Variants in CHRM3 observed in about 807,000 individuals in gnomAD.
The protein encoded by CHRM3 is cholinergic receptor muscarinic 3.
Under a neutral mutation model 41.8 loss-of-function variants are expected in CHRM3, and 11 were observed. The observed-to-expected ratio is 0.26, with a 90% CI of 0.17 to 0.44. CHRM3 has a LOEUF of 0.44. Among genes scored for constraint, CHRM3 ranks in the 20% least tolerant of loss-of-function variants. The pLI, the probability that CHRM3 is intolerant of heterozygous loss-of-function variation, is 1.00. For synonymous variants in CHRM3, 297 were observed against 301.4 expected, an observed-to-expected ratio of 0.99 and a Z score of 0.15; for missense variants, 571 against 745.4, an observed-to-expected ratio of 0.77 and a Z score of 2.72.
chr1:239,909,241 T>C lies in CHRM3; in HGVS notation c.*17T>C, dbSNP rs758497206. The stretch of plus-strand genomic sequence containing the variant: ...GCCTTGTAGAATGAGGTTGTATCAA[T>C]AGCAGTGACAAAACGCACACATCAA... On this transcript the variant is annotated 3_prime_UTR_variant, in exon 7 of 7. Coordinates refer to ENST00000676153, the MANE Select transcript of CHRM3 (RefSeq NM_001375978.1). The C allele has an allele frequency of 3.8e-6, 6 of 1,579,748 alleles. No individual in the cohort carries two copies. The highest frequency in any genetic ancestry group is 5.2e-6 in the Non-Finnish European group (6 of 1,164,206).
chr1:239,571,696 A>C (rs1295707456), intron 3 of CHRM3, among the ~76,000 whole-genome samples: 1 of 152,082 alleles, frequency 6.6e-6, no homozygotes, highest in Non-Finnish European at 1.5e-5. Context: ...CCTGCACGTC[A>C]TTACACTCTC....
intron 6 of CHRM3, among the ~76,000 whole-genome samples, chr1:239,871,046 T>C (rs1365525007): frequency 6.6e-6 from 1 of 152,092 alleles, no homozygotes; most frequent in East Asian, 1.9e-4. Flanking sequence ...ACGTGTTCCC[T>C]GCGGGCTCTG....
intron 5 of CHRM3, among the ~76,000 whole-genome samples, chr1:239,813,862 A>G (rs1479067749): frequency 2.9e-5 from 4 of 137,156 alleles, no homozygotes; most frequent in Admixed American, 1.5e-4. Context: ...GCTTGCAGTG[A>G]GCCGAGATCC....
intron 2 of CHRM3, among the ~76,000 whole-genome samples, chr1:239,543,181 C>T (rs1052614700): frequency 4.6e-5 from 7 of 152,196 alleles, no homozygotes; most frequent in African/African-American, 1.7e-4. Flanking sequence ...GAATGCCATC[C>T]TGGCACATTG....
intron 4 of CHRM3, among the ~76,000 whole-genome samples, chr1:239,649,116 G>A (rs1017121601): frequency 6.6e-6 from 1 of 152,116 alleles, no homozygotes; most frequent in Non-Finnish European, 1.5e-5. Context: ...TTGTCTGAAT[G>A]TTTCTGTTCC....
chr1:239,659,259 T>A (rs571942904), intron 4 of CHRM3, among the ~76,000 whole-genome samples: 1 of 152,320 alleles, frequency 6.6e-6, no homozygotes, highest in Non-Finnish European at 1.5e-5. Flanking sequence ...TCTGCTGTTA[T>A]CTTCTTTTGG....
chr1:239,874,297 A>ATCTATATATCTATATACACAG lies in CHRM3; in HGVS notation c.-19-33135_-19-33134insCTATATATCTATATACACAGT, dbSNP rs1553291903. Among the ~76,000 whole-genome samples the ATCTATATATCTATATACACAG allele has an allele frequency of 3.9e-4, 36 of 92,200 alleles. No individual in the cohort carries two copies. The Admixed American group carries it at 4.5e-3, about 11-fold the overall frequency. 60.5% of individuals were successfully genotyped at this position (92,200 alleles called of 152,430 possible). On this transcript the variant is annotated intron_variant, in intron 6 of 6. Coordinates refer to ENST00000676153, the MANE Select transcript of CHRM3 (RefSeq NM_001375978.1). ...ATCTATATACACAGTATATATATAT[A>ATCTATATATCTATATACACAG]TATATATATATATATATATATATAT...
intron 5 of CHRM3, among the ~76,000 whole-genome samples, chr1:239,725,111 C>T (rs1663315687): frequency 6.6e-6 from 1 of 151,984 alleles, no homozygotes; most frequent in Non-Finnish European, 1.5e-5. Context: ...CCTTCTCCAA[C>T]AACCTATTTT....
chr1:239,899,139 G>C (rs1013165797), intron 6 of CHRM3, among the ~76,000 whole-genome samples: 1 of 151,968 alleles, frequency 6.6e-6, no homozygotes, highest in South Asian at 2.1e-4. Flanking sequence ...TGTGTATGTC[G>C]AGCAAAAATT....
intron 2 of CHRM3, among the ~76,000 whole-genome samples, chr1:239,543,007 G>A (rs1367516879): frequency 1.3e-5 from 2 of 152,068 alleles, no homozygotes; most frequent in African/African-American, 4.8e-5. Context: ...CCCTTAAATG[G>A]GGGCGAATGG....
intron 1 of CHRM3, among the ~76,000 whole-genome samples, chr1:239,481,027 G>A (rs1666818816): frequency 6.6e-6 from 1 of 152,092 alleles, no homozygotes; most frequent in African/African-American, 2.4e-5. Context: ...AGAAAATAAC[G>A]ATTTTATGTA....
rs145003926 is a variant in CHRM3, at chr1:239,804,740, G to A, written c.-146-22512G>A. ...CAGCGCCTTCTTCCTAATCGATGCC[G>A]AGGAGGCAGCAGAAGATAGAATTAT... On this transcript the variant is annotated intron_variant, in intron 5 of 6. Transcript: ENST00000676153. Among the ~76,000 whole-genome samples, 111 of 152,254 alleles carry A rather than the reference G, an allele frequency of 7.3e-4. 1 individual carries two copies. Among genetic ancestry groups the A allele is most frequent in the African/African-American group, 2.1e-3 (87 of 41,550 alleles).
chr1:239,852,567 C>A (rs558288029), intron 6 of CHRM3, among the ~76,000 whole-genome samples: 1 of 152,134 alleles, frequency 6.6e-6, no homozygotes. Context: ...GACTAGAATT[C>A]GGGGCTCTTG....
chr1:239,472,928 G>A (rs930050234), intron 1 of CHRM3, among the ~76,000 whole-genome samples: 2 of 152,032 alleles, frequency 1.3e-5, no homozygotes, highest in Non-Finnish European at 2.9e-5. Flanking sequence ...GATGGTATTG[G>A]TACTGAGTTA....
chr1:239,582,699 T>C (rs1663009559), intron 3 of CHRM3, among the ~76,000 whole-genome samples: 1 of 152,100 alleles, frequency 6.6e-6, no homozygotes, highest in East Asian at 1.9e-4. Context: ...CATGGCATCA[T>C]CTTCTCTTTC....
intron 5 of CHRM3, among the ~76,000 whole-genome samples, chr1:239,771,080 T>A (rs1667623626): frequency 6.7e-6 from 1 of 148,884 alleles, no homozygotes; most frequent in African/African-American, 2.5e-5. Flanking sequence ...ACAGCCAGAC[T>A]CCATCTCAAA....
At chr1:239,778,413 C>A (rs1668266098) in intron 5 of CHRM3, among the ~76,000 whole-genome samples, 1 of 152,066 alleles carries the variant, frequency 6.6e-6, no homozygotes, top group South Asian at 2.1e-4. Context: ...TCACATCTAC[C>A]ACCCTCTCCC....
chr1:239,829,748 G>A (rs752996928), intron 6 of CHRM3, among the ~76,000 whole-genome samples: 30 of 152,100 alleles, frequency 2.0e-4, no homozygotes, highest in Non-Finnish European at 3.7e-4. Flanking sequence ...GTGTGACCTT[G>A]GGAAAATTAC....
At chr1:239,477,976 G>A (rs1666578269) in intron 1 of CHRM3, among the ~76,000 whole-genome samples, 1 of 152,182 alleles carries the variant, frequency 6.6e-6, no homozygotes, top group South Asian at 2.1e-4. Flanking sequence ...GTAGTACTGA[G>A]AAGGTGCACC....
Sources: allele counts gnomAD v4.1 joint callset (sites outside exome capture counted in the v4.1 genomes callset), GRCh38; gene constraint gnomAD v4.1.1; transcripts MANE v1.5; gene names NCBI Gene and HGNC (gene_info 2026-07-23, HGNC 2026-07-21).